Variants in DPP10 observed in about 807,000 individuals in gnomAD.
DPP10 encodes dipeptidyl peptidase like 10, also known as inactive dipeptidyl peptidase 10.
In DPP10, 33 loss-of-function variants were observed where a neutral mutation model predicts 120.9. That is an observed-to-expected ratio of 0.27 (90% confidence interval 0.21 to 0.37). The LOEUF (loss-of-function observed/expected upper bound fraction) is 0.37. Ranked by LOEUF, DPP10 falls within the 10% of genes least tolerant of loss-of-function variation. DPP10 has a pLI of 1.00. For missense variants in DPP10, 816 were observed against 942.8 expected (o/e 0.87, Z 1.76); for synonymous variants, 337 against 326.1 (o/e 1.03, Z -0.36).
chr2:115,594,107 C>A (rs1205108167), intron 5 of DPP10, among the ~76,000 whole-genome samples: 1 of 152,140 alleles, frequency 6.6e-6, no homozygotes, highest in Non-Finnish European at 1.5e-5. Context: ...ACCAGTCATT[C>A]CAAGGGGCTA....
chr2:115,231,647 A>G (rs772915396), intron 1 of DPP10, among the ~76,000 whole-genome samples: 1 of 152,220 alleles, frequency 6.6e-6, no homozygotes, highest in Non-Finnish European at 1.5e-5. Context: ...ACTGGGATGC[A>G]ATGAATCTCA....
intron 1 of DPP10, among the ~76,000 whole-genome samples, chr2:115,280,153 A>G (rs138529800): frequency 2.5e-4 from 38 of 152,250 alleles, no homozygotes; most frequent in African/African-American, 8.4e-4. Context: ...TTTTGGATCA[A>G]CAGGCTTGTA....
chr2:115,766,501 G>T (rs4555352), intron 12 of DPP10, among the ~76,000 whole-genome samples: 64,749 of 150,586 alleles, frequency 0.43, 16,666 homozygotes, highest in East Asian at 0.66. Flanking sequence ...AAGAGTAATG[G>T]TAAAAACCAC....
intron 1 of DPP10, among the ~76,000 whole-genome samples, chr2:115,105,811 A>T (rs2048920595): frequency 6.6e-6 from 1 of 152,244 alleles, no homozygotes; most frequent in African/African-American, 2.4e-5. Context: ...CATCTGATGA[A>T]TCATTCACTC....
At chr2:115,244,638 G>C (rs1264815606) in intron 1 of DPP10, among the ~76,000 whole-genome samples, 3 of 151,774 alleles carry the variant, frequency 2.0e-5, no homozygotes, top group Non-Finnish European at 4.4e-5. Context: ...TTGCTTAGTC[G>C]TGTACCTTAC....
At chr2:114,802,380 C>A (rs1226328416) in intron 1 of DPP10, among the ~76,000 whole-genome samples, 2 of 152,050 alleles carry the variant, frequency 1.3e-5, no homozygotes, top group Non-Finnish European at 2.9e-5. Context: ...CTAAATATAG[C>A]CTGGCATTCT....
At chr2:115,122,259 G>A (rs1466876608) in intron 1 of DPP10, among the ~76,000 whole-genome samples, 1 of 152,236 alleles carries the variant, frequency 6.6e-6, no homozygotes, top group African/African-American at 2.4e-5. Context: ...GAAGAGGAGG[G>A]CACCCTCCCA....
At chr2:115,683,509 G>C (rs1160165525) in intron 5 of DPP10, among the ~76,000 whole-genome samples, 1 of 151,776 alleles carries the variant, frequency 6.6e-6, no homozygotes, top group African/African-American at 2.4e-5. Context: ...GGTGACAATG[G>C]CGTGTTGATA....
intron 3 of DPP10, among the ~76,000 whole-genome samples, chr2:115,360,471 T>G (rs951415713): frequency 2.0e-5 from 3 of 152,200 alleles, no homozygotes. Context: ...TAATTCAGAC[T>G]GCGTTCCATT....
chr2:115,374,590 A>C (rs1559501119), intron 3 of DPP10, among the ~76,000 whole-genome samples: 2 of 152,200 alleles, frequency 1.3e-5, no homozygotes. Context: ...TGCCTTCTGC[A>C]CTGCCTTAGG....
chr2:115,817,871 G>T (rs1345263339), intron 21 of DPP10, among the ~76,000 whole-genome samples: 3 of 151,994 alleles, frequency 2.0e-5, no homozygotes, highest in African/African-American at 7.3e-5. Flanking sequence ...TACATGAGGT[G>T]TCTAGAGTGG....
At chr2:115,112,001 A>G (rs1222232447) in intron 1 of DPP10, among the ~76,000 whole-genome samples, 1 of 152,144 alleles carries the variant, frequency 6.6e-6, no homozygotes, top group Admixed American at 6.5e-5. Flanking sequence ...AAGTTTCCCT[A>G]TCCTGGGAGT....
At chr2:114,885,465 C>T (rs941528431) in intron 1 of DPP10, among the ~76,000 whole-genome samples, 3 of 152,188 alleles carry the variant, frequency 2.0e-5, no homozygotes, top group Non-Finnish European at 2.9e-5. Context: ...AACATACAAA[C>T]TATATCACCC....
chr2:114,820,935 A>G (rs1159507177), intron 1 of DPP10, among the ~76,000 whole-genome samples: 2 of 151,958 alleles, frequency 1.3e-5, no homozygotes, highest in Non-Finnish European at 2.9e-5. Context: ...CTTCATCTTC[A>G]GTCAAATTAG....
At chr2:114,556,231 A>C (rs890914977) in intron 1 of DPP10, among the ~76,000 whole-genome samples, 4 of 65,946 alleles carry the variant, frequency 6.1e-5, no homozygotes, top group Admixed American at 3.7e-4. Flanking sequence ...TACATAGATG[A>C]TACATATATA....
chr2:115,397,899 G>T (rs2067794245), intron 3 of DPP10, among the ~76,000 whole-genome samples: 1 of 152,176 alleles, frequency 6.6e-6, no homozygotes, highest in Non-Finnish European at 1.5e-5. Flanking sequence ...CCTTGTCTCT[G>T]TCCACATAAC....
intron 1 of DPP10, among the ~76,000 whole-genome samples, chr2:114,784,631 C>T (rs947988492): frequency 6.6e-6 from 1 of 152,108 alleles, no homozygotes; most frequent in Non-Finnish European, 1.5e-5. Flanking sequence ...CTTTTCCCCC[C>T]AATATCCATA....
intron 1 of DPP10, 85 bp downstream of exon 1, chr2:114,442,923 G>A (rs1283920758): frequency 2.0e-6 from 3 of 1,511,270 alleles, no homozygotes; most frequent in Admixed American, 1.8e-5. Context: ...TCGGGGTACT[G>A]ACAGTGGACA....
At chr2:115,053,325 G>A (rs985135543) in intron 1 of DPP10, among the ~76,000 whole-genome samples, 1 of 152,160 alleles carries the variant, frequency 6.6e-6, no homozygotes, top group Non-Finnish European at 1.5e-5. Context: ...CAATATCCAT[G>A]AACTCTGAAA....
Sources: gnomAD v4.1 joint callset for allele counts (sites outside exome capture counted in the v4.1 genomes callset) on GRCh38, gnomAD v4.1.1 for gene constraint, MANE v1.5 for transcripts, NCBI Gene and HGNC (gene_info 2026-07-23, HGNC 2026-07-21) for gene names.